Variants in FBLN7 observed in about 807,000 individuals in gnomAD.
The protein encoded by FBLN7 is fibulin-7.
Under a neutral mutation model 44.0 loss-of-function variants are expected in FBLN7, and 31 were observed. The ratio of observed to expected loss-of-function variants is 0.70; its 90% CI spans 0.53 to 0.95. The LOEUF (loss-of-function observed/expected upper bound fraction) is 0.95. Ranked by LOEUF, FBLN7 falls within the 40% of genes least tolerant of loss-of-function variation. The pLI is 0.00. For missense variants in FBLN7, 573 were observed against 618.5 expected (o/e 0.93, Z 0.78); for synonymous variants, 262 against 253.4 (o/e 1.03, Z -0.32).
chr2:112,217,482 C>T, the FBLN7 span, among the ~76,000 whole-genome samples: 1 of 152,194 alleles, frequency 6.6e-6, no homozygotes, highest in Non-Finnish European at 1.5e-5. Flanking sequence ...TATACTGTTA[C>T]ATTAAAATCC....
intron 2 of FBLN7, among the ~76,000 whole-genome samples, chr2:112,160,734 ACACGCACACACGCG>A (rs1419774347): frequency 5.1e-4 from 48 of 93,846 alleles, no homozygotes; most frequent in Non-Finnish European, 9.3e-4. Context: ...ACACGCACGC[ACACGCACACACGCG>A]CACGCACACA....
chr2:112,146,661 G>T (rs1350759333), intron 1 of FBLN7, among the ~76,000 whole-genome samples: 3 of 149,022 alleles, frequency 2.0e-5, no homozygotes, highest in African/African-American at 7.4e-5. Flanking sequence ...TGTATCTTGT[G>T]ACCCTGTGGA....
intron 3 of FBLN7, among the ~76,000 whole-genome samples, chr2:112,170,267 C>A (rs1558886548): frequency 6.8e-6 from 1 of 146,336 alleles, no homozygotes; most frequent in African/African-American, 2.5e-5. Flanking sequence ...AAAACAAAAA[C>A]AGAAAAGAAA....
intron 1 of FBLN7, among the ~76,000 whole-genome samples, chr2:112,150,674 T>G (rs1433687035): frequency 6.6e-6 from 1 of 152,168 alleles, no homozygotes; most frequent in Non-Finnish European, 1.5e-5. Context: ...GGTTGACTGA[T>G]CTGGGGCAAG....
At chr2:112,232,343 C>T in the FBLN7 span, among the ~76,000 whole-genome samples, 2 of 150,416 alleles carry the variant, frequency 1.3e-5, no homozygotes, top group Non-Finnish European at 3.0e-5. Flanking sequence ...AAGACCTTTC[C>T]TACTAGCAGA....
At chr2:112,180,638 G>A (rs1484714255) in intron 4 of FBLN7, among the ~76,000 whole-genome samples, 1 of 152,094 alleles carries the variant, frequency 6.6e-6, no homozygotes, top group East Asian at 1.9e-4. Flanking sequence ...GCGGTACATG[G>A]GGCTGGGCGT....
chr2:112,184,038 G>C (rs550681673), intron 6 of FBLN7, among the ~76,000 whole-genome samples: 1 of 152,180 alleles, frequency 6.6e-6, no homozygotes, highest in Non-Finnish European at 1.5e-5. Flanking sequence ...CACATGAGCT[G>C]AGTCAGAGCA....
chr2:112,185,749 A>G lies in FBLN7; in HGVS notation c.947+410A>G, dbSNP rs1683238619. Among the ~76,000 whole-genome samples the G allele has an allele frequency of 3.3e-5, 5 of 152,244 alleles. No homozygotes were observed. In the South Asian group the frequency reaches 1.0e-3, roughly 32 times the overall value. ...GACAGCATTCACATAGCCAGGAACT[A>G]TAGACTCCCTTGAGTTACACTGCAT... On this transcript the variant is annotated intron_variant, in intron 7 of 7. Transcript: ENST00000331203.
chr2:112,159,562 T>C, intron 1 of FBLN7, 114 bp from the exon 2 acceptor site: 1 of 1,275,930 alleles, frequency 7.8e-7, no homozygotes, highest in South Asian at 1.8e-5. Flanking sequence ...TTGCGTTGAG[T>C]GAGCTTCAAA....
chr2:112,197,221 A>G, the FBLN7 span, among the ~76,000 whole-genome samples: 1 of 142,672 alleles, frequency 7.0e-6, no homozygotes, highest in East Asian at 2.2e-4. Flanking sequence ...AATGACTGGC[A>G]TCCGTAAGAG....
chr2:112,210,611 GT>G, the FBLN7 span, among the ~76,000 whole-genome samples: 1 of 123,410 alleles, frequency 8.1e-6, no homozygotes, highest in Non-Finnish European at 1.6e-5. Context: ...AGCTGAGATT[GT>G]GCCACTGCAC....
At chr2:112,230,780 T>C in the FBLN7 span, 1 of 574,894 alleles carries the variant, frequency 1.7e-6, no homozygotes, top group Non-Finnish European at 2.7e-6. Context: ...TATTTTATAA[T>C]TCTTTTTTAG....
At chr2:112,150,443 G>A (rs1028094560) in intron 1 of FBLN7, among the ~76,000 whole-genome samples, 2 of 152,182 alleles carry the variant, frequency 1.3e-5, no homozygotes, top group Non-Finnish European at 2.9e-5. Flanking sequence ...AAACATGTTA[G>A]TATCTCCTGA....
intron 3 of FBLN7, among the ~76,000 whole-genome samples, chr2:112,175,311 G>A (rs899157691): frequency 3.3e-5 from 5 of 152,250 alleles, no homozygotes; most frequent in Admixed American, 2.6e-4. Flanking sequence ...AGGGTTGTGG[G>A]TTACAGGGCC....
intron 4 of FBLN7, among the ~76,000 whole-genome samples, chr2:112,180,249 A>G (rs1348851889): frequency 6.6e-6 from 1 of 152,244 alleles, no homozygotes; most frequent in African/African-American, 2.4e-5. Flanking sequence ...GCTCCATATC[A>G]CTGATGATTA....
chr2:112,210,581 A>C, the FBLN7 span, among the ~76,000 whole-genome samples: 2 of 141,892 alleles, frequency 1.4e-5, no homozygotes, highest in Non-Finnish European at 3.0e-5. Context: ...GCTTGAACCC[A>C]GGAGGAAGAG....
chr2:112,160,181 G>A (rs1160250689), intron 2 of FBLN7, among the ~76,000 whole-genome samples: 6 of 151,450 alleles, frequency 4.0e-5, no homozygotes, highest in Non-Finnish European at 7.4e-5. Context: ...TAGTAGAGAC[G>A]GGGTTTCACC....
intron 2 of FBLN7, among the ~76,000 whole-genome samples, chr2:112,162,882 T>G (rs1196607304): frequency 1.3e-5 from 2 of 152,120 alleles, no homozygotes; most frequent in African/African-American, 4.8e-5. Context: ...CCCCAATGCA[T>G]TTTAAAACTC....
At chr2:112,222,090 T>TCACCTTATA in the FBLN7 span, among the ~76,000 whole-genome samples, 3 of 152,150 alleles carry the variant, frequency 2.0e-5, no homozygotes, top group Admixed American at 1.3e-4. Flanking sequence ...TAAGGTGGGA[T>TCACCTTATA]CAGTTGACTG....
Sources: gnomAD v4.1 joint callset for allele counts (sites outside exome capture counted in the v4.1 genomes callset) on GRCh38, gnomAD v4.1.1 for gene constraint, MANE v1.5 for transcripts, NCBI Gene and HGNC (gene_info 2026-07-23, HGNC 2026-07-21) for gene names.